The following CTNND2 variants were observed in gnomAD, a reference collection of about 807,000 sequenced individuals.
CTNND2 encodes catenin delta-2.
In CTNND2, 22 loss-of-function variants were observed where a neutral mutation model predicts 144.4. That is an observed-to-expected ratio of 0.15 (90% CI 0.11 to 0.22). The LOEUF (loss-of-function observed/expected upper bound fraction) is 0.22. Among genes scored for constraint, CTNND2 ranks in the 10% least tolerant of loss-of-function variants. The probability of loss-of-function intolerance (pLI) is 1.00; values close to 1 mark genes in which losing one functional copy is unlikely to be tolerated. For synonymous variants in CTNND2, 751 were observed against 695.6 expected, an observed-to-expected ratio of 1.08 and a Z score of -1.25; for missense variants, 1,353 against 1,618.8, an observed-to-expected ratio of 0.84 and a Z score of 2.82.
intron 2 of CTNND2, among the ~76,000 whole-genome samples, chr5:11,706,065 G>C (rs1165615949): frequency 6.6e-6 from 1 of 152,140 alleles, no homozygotes; most frequent in African/African-American, 2.4e-5. Flanking sequence ...CCTTGAGCCA[G>C]ACAGTATCCC....
At position 11,110,893 on chromosome 5, in the gene CTNND2, C is replaced by G. The variant is rs61754599; in HGVS notation, c.2428G>C (p.Gly810Arg). ...GATTTCTTTTTCTTCTTCTTCTTGC[C>G]CCAGCACCCAGAGCTCTCAGCATCC... ...GKDAESSGCW[G>R]KKKKKKKSQD... Residue 810 changes from glycine (G) to arginine (R), a missense_variant, in exon 14 of 22, where the codon GGC becomes CGC. Physicochemically the swap from Gly to Arg is moderately radical, Grantham distance 125. Coordinates refer to ENST00000304623, the MANE Select transcript of CTNND2 (RefSeq NM_001332.4). 1 of 1,613,904 alleles carries G rather than the reference C, an allele frequency of 6.2e-7. No homozygotes were observed. Among genetic ancestry groups the G allele is most frequent in the East Asian group, 2.2e-5 (1 of 44,880 alleles).
intron 1 of CTNND2, among the ~76,000 whole-genome samples, chr5:11,746,610 T>C (rs1419023404): frequency 6.6e-6 from 1 of 152,172 alleles, no homozygotes; most frequent in African/African-American, 2.4e-5. Flanking sequence ...ATCAATGATA[T>C]ACTCAATATC....
Position 11,646,301 on chromosome 5 carries a change from G to T in CTNND2, c.175-81245C>A, listed in dbSNP as rs540895363. ...CACAAGTTTCTGAATAGCCATTACTGGTGGTATTCATTTTATAATGAGGCA... is the reference window on the plus strand; with the variant it reads ...CACAAGTTTCTGAATAGCCATTACTTGTGGTATTCATTTTATAATGAGGCA... On this transcript the variant is annotated intron_variant, in intron 2 of 21. Coordinates refer to ENST00000304623, the MANE Select transcript of CTNND2 (RefSeq NM_001332.4). Among the ~76,000 whole-genome samples, 7 of 152,254 alleles carry T rather than the reference G, an allele frequency of 4.6e-5. No individual in the cohort carries two copies. In the East Asian group the frequency reaches 1.2e-3, roughly 25 times the overall value.
intron 16 of CTNND2, among the ~76,000 whole-genome samples, chr5:11,030,333 T>C (rs1225516277): frequency 6.6e-6 from 1 of 152,180 alleles, no homozygotes; most frequent in Non-Finnish European, 1.5e-5. Flanking sequence ...AATCTCTCTA[T>C]CCCTTTCCCA....
intron 10 of CTNND2, among the ~76,000 whole-genome samples, chr5:11,211,093 T>C (rs1738582769): frequency 6.6e-6 from 1 of 151,998 alleles, no homozygotes; most frequent in South Asian, 2.1e-4. Flanking sequence ...TTCTTCTGGG[T>C]GATAAGAACC....
chr5:10,975,607 C>T (rs1398379972), intron 21 of CTNND2, among the ~76,000 whole-genome samples: 2 of 152,176 alleles, frequency 1.3e-5, no homozygotes, highest in African/African-American at 4.8e-5. Flanking sequence ...GACTCTAAAA[C>T]CCAGGTGTTC....
rs368761194 is a variant in CTNND2, at chr5:11,340,898, T to C, written c.1628+5474A>G. On this transcript the variant is annotated intron_variant, in intron 9 of 21. Coordinates refer to ENST00000304623, the MANE Select transcript of CTNND2 (RefSeq NM_001332.4). ...GGATGATTAAATTAGATAACGAATA[T>C]AAAATATTCAACACTGAGCATGGAA... Among the ~76,000 whole-genome samples, 24 of 152,296 alleles carry C rather than the reference T, an allele frequency of 1.6e-4. No homozygotes were observed. In the South Asian group the frequency reaches 5.0e-3, roughly 32 times the overall value.
intron 2 of CTNND2, among the ~76,000 whole-genome samples, chr5:11,707,265 C>G (rs1334804692): frequency 6.6e-6 from 1 of 151,992 alleles, no homozygotes; most frequent in Admixed American, 6.6e-5. Flanking sequence ...AAAGTGAGAA[C>G]TAGGTGTCCC....
rs566869786 is a variant in CTNND2 at position 11,144,697 on chromosome 5, C to A, written c.2159+14879G>T. Among the ~76,000 whole-genome samples, 21 of 152,140 alleles carry A rather than the reference C, an allele frequency of 1.4e-4. No individual in the cohort carries two copies. In the South Asian group the frequency reaches 4.4e-3, roughly 32 times the overall value. On this transcript the variant is annotated intron_variant, in intron 12 of 21. Transcript: ENST00000304623. ...AGAAGCTGTATTTCTCTCAAGGGAC[C>A]GCCGTCTCACCCCTTTTCTGGAGGA...
chr5:11,381,964 C>T (rs1758528951), intron 7 of CTNND2, among the ~76,000 whole-genome samples: 1 of 149,772 alleles, frequency 6.7e-6, no homozygotes, highest in South Asian at 2.2e-4. Flanking sequence ...GAGACTCTGT[C>T]TCAAAAAAAC....
chr5:11,270,558 A>T (rs1314654102), intron 9 of CTNND2, among the ~76,000 whole-genome samples: 3 of 152,128 alleles, frequency 2.0e-5, no homozygotes, highest in Non-Finnish European at 4.4e-5. Context: ...GTCTGAATTA[A>T]TTTTTATTCA....
At chr5:11,314,735 C>A (rs1487810049) in intron 9 of CTNND2, among the ~76,000 whole-genome samples, 16 of 152,150 alleles carry the variant, frequency 1.1e-4, no homozygotes, top group Non-Finnish European at 7.4e-5. Flanking sequence ...TTAAAAATTT[C>A]TGTTTGAACC....
intron 2 of CTNND2, among the ~76,000 whole-genome samples, chr5:11,617,238 G>A (rs1048700963): frequency 3.9e-5 from 6 of 152,074 alleles, no homozygotes; most frequent in African/African-American, 4.8e-5. Context: ...CTTGGGTTAC[G>A]ACACTGATGT....
Position 11,409,866 on chromosome 5 carries a change from T to G in CTNND2, c.439+1670A>C, listed in dbSNP as rs58629145. On this transcript the variant is annotated intron_variant, in intron 5 of 21. Transcript: ENST00000304623. Reference sequence around the variant, plus strand: ...AACTTTTATTCTTTTCAGAGGAGAATTTAGAATGCAGCATTAGATTGATAT... The same window carrying G: ...AACTTTTATTCTTTTCAGAGGAGAAGTTAGAATGCAGCATTAGATTGATAT... Among the ~76,000 whole-genome samples the G allele has an allele frequency of 1.1e-3, 160 of 152,246 alleles. 1 individual carries two copies. Among genetic ancestry groups the G allele is most frequent in the African/African-American group, 3.5e-3 (144 of 41,588 alleles).
chr5:11,498,143 C>T (rs1198166272), intron 3 of CTNND2, among the ~76,000 whole-genome samples: 2 of 152,120 alleles, frequency 1.3e-5, no homozygotes, highest in African/African-American at 4.8e-5. Flanking sequence ...ATTCAAGGCC[C>T]CTGAGTTTTG....
At chr5:11,779,941 C>A (rs535226864) in intron 1 of CTNND2, among the ~76,000 whole-genome samples, 1 of 152,320 alleles carries the variant, frequency 6.6e-6, no homozygotes, top group African/African-American at 2.4e-5. Flanking sequence ...CCTGCAACTG[C>A]CCTCTCTCTT....
At chr5:11,162,205 AT>A (rs1318905733) in intron 11 of CTNND2, among the ~76,000 whole-genome samples, 1 of 152,110 alleles carries the variant, frequency 6.6e-6, no homozygotes, top group Non-Finnish European at 1.5e-5. Context: ...AAACCTTTGC[AT>A]TTTTTTACAT....
chr5:11,364,969 T>G, intron 7 of CTNND2, 79 bp from the exon 8 acceptor site: 1 of 1,264,892 alleles, frequency 7.9e-7, no homozygotes, highest in Non-Finnish European at 1.1e-6. Context: ...CATATTCAAA[T>G]TTTTTTGGAC....
intron 18 of CTNND2, among the ~76,000 whole-genome samples, chr5:10,994,108 C>T (rs1353915813): frequency 6.7e-6 from 1 of 149,042 alleles, no homozygotes; most frequent in Non-Finnish European, 1.5e-5. Context: ...TTTGAGCCTT[C>T]GAAAGTAAAT....
Sources: allele counts gnomAD v4.1 joint callset (sites outside exome capture counted in the v4.1 genomes callset), GRCh38; gene constraint gnomAD v4.1.1; transcripts MANE v1.5; gene names NCBI Gene and HGNC (gene_info 2026-07-23, HGNC 2026-07-21).